Variants in CDH8 observed in about 807,000 individuals in gnomAD.
The protein encoded by CDH8 is cadherin-8.
Under a neutral mutation model 68.1 loss-of-function variants are expected in CDH8, and 17 were observed. The ratio of observed to expected loss-of-function variants is 0.25; its 90% CI spans 0.17 to 0.37. The LOEUF (loss-of-function observed/expected upper bound fraction) is 0.37, where lower values mean the gene tolerates loss of function less well. CDH8 is among the 10% of genes least tolerant of loss of function. The pLI is 1.00. For synonymous variants in CDH8, 372 were observed against 365.1 expected (o/e 1.02, Z -0.21); for missense variants, 763 against 999.3 (o/e 0.76, Z 3.19).
At chr16:61,960,155 G>GTGTGTATACACATACATATATACATA (rs1555524878) in intron 2 of CDH8, among the ~76,000 whole-genome samples, 6 of 78,120 alleles carry the variant, frequency 7.7e-5, no homozygotes, top group Non-Finnish European at 1.5e-4. Context: ...ATACATATGT[G>GTGTGTATACACATACATATATACATA]TGTGTGTATA....
At chr16:61,674,711 G>A (rs1963863432) in intron 10 of CDH8, among the ~76,000 whole-genome samples, 1 of 151,908 alleles carries the variant, frequency 6.6e-6, no homozygotes, top group South Asian at 2.1e-4. Flanking sequence ...AGCTTTAAAG[G>A]AACTGTTGTA....
chr16:61,981,678 G>C (rs917859360), intron 2 of CDH8, among the ~76,000 whole-genome samples: 14 of 151,272 alleles, frequency 9.3e-5, no homozygotes, highest in Non-Finnish European at 1.8e-4. Flanking sequence ...GTGTGTGTGT[G>C]TGTGCGCGCG....
chr16:61,749,337 G>A (rs979470204), intron 8 of CDH8, among the ~76,000 whole-genome samples: 1 of 152,004 alleles, frequency 6.6e-6, no homozygotes, highest in African/African-American at 2.4e-5. Flanking sequence ...TTGAAAGATA[G>A]GCTTAATACT....
chr16:61,728,400 T>C (rs8049215), intron 8 of CDH8, among the ~76,000 whole-genome samples: 6,065 of 151,144 alleles, frequency 0.04, 418 homozygotes, highest in African/African-American at 0.14. Flanking sequence ...TCCAATATTC[T>C]AATTTGGTTA....
At chr16:61,694,729 C>T (rs950729740) in intron 10 of CDH8, among the ~76,000 whole-genome samples, 5 of 151,906 alleles carry the variant, frequency 3.3e-5, no homozygotes, top group African/African-American at 1.2e-4. Flanking sequence ...AAAAGTATAG[C>T]TTAATAAACA....
intron 8 of CDH8, among the ~76,000 whole-genome samples, chr16:61,788,701 A>T (rs977129097): frequency 6.6e-6 from 1 of 152,046 alleles, no homozygotes; most frequent in Non-Finnish European, 1.5e-5. Context: ...CAATAAAAAG[A>T]TTAACAAGTT....
intron 2 of CDH8, among the ~76,000 whole-genome samples, chr16:61,908,427 A>T (rs1964099625): frequency 6.6e-6 from 1 of 152,204 alleles, no homozygotes; most frequent in African/African-American, 2.4e-5. Flanking sequence ...GGAAGGAGAA[A>T]GAAAAGGAGG....
chr16:61,962,188 C>T (rs1965166482), intron 2 of CDH8, among the ~76,000 whole-genome samples: 1 of 152,148 alleles, frequency 6.6e-6, no homozygotes, highest in African/African-American at 2.4e-5. Flanking sequence ...GCTTGTCTTG[C>T]TGTCGCAGAA....
intron 10 of CDH8, among the ~76,000 whole-genome samples, chr16:61,675,461 AG>A (rs965343549): frequency 9.0e-5 from 5 of 55,272 alleles, no homozygotes; most frequent in African/African-American, 1.5e-4. Flanking sequence ...GGGTGGGGGG[AG>A]GGGGGAGGGA....
intron 4 of CDH8, among the ~76,000 whole-genome samples, chr16:61,833,913 A>G (rs1263995262): frequency 6.6e-6 from 1 of 151,782 alleles, no homozygotes; most frequent in Non-Finnish European, 1.5e-5. Flanking sequence ...ATTTGTTTTT[A>G]TGTTTCTTTC....
chr16:61,924,992 G>C (rs942746814), intron 2 of CDH8, among the ~76,000 whole-genome samples: 3 of 152,092 alleles, frequency 2.0e-5, no homozygotes, highest in African/African-American at 7.2e-5. Flanking sequence ...CTCTGTATTA[G>C]CATCCAGATT....
At chr16:61,787,813 T>A (rs1596967918) in intron 8 of CDH8, among the ~76,000 whole-genome samples, 1 of 149,710 alleles carries the variant, frequency 6.7e-6, no homozygotes, top group Admixed American at 6.7e-5. Context: ...AAATTGGAAA[T>A]CATCATTCTC....
At chr16:61,713,801 A>G in intron 10 of CDH8, 40 bp downstream of exon 10, 1 of 1,086,190 alleles carries the variant, frequency 9.2e-7, no homozygotes, top group Non-Finnish European at 1.4e-6. Context: ...CTATTTTCCA[A>G]TTTATATTGT....
chr16:61,901,920 T>C (rs907886518), intron 2 of CDH8, among the ~76,000 whole-genome samples: 2 of 152,118 alleles, frequency 1.3e-5, no homozygotes, highest in Admixed American at 1.3e-4. Context: ...ATATGACACA[T>C]AAGAAAACTG....
chr16:61,801,730 T>A (rs891065370), intron 7 of CDH8, among the ~76,000 whole-genome samples: 1 of 152,140 alleles, frequency 6.6e-6, no homozygotes. Context: ...ATCGGGTCAC[T>A]CCCACCCGAA....
intron 2 of CDH8, among the ~76,000 whole-genome samples, chr16:61,911,165 CGGAT>C (rs922674221): frequency 1.3e-5 from 2 of 151,482 alleles, no homozygotes; most frequent in Non-Finnish European, 2.9e-5. Context: ...GAAGGATGGA[CGGAT>C]GGATGGATGG....
intron 8 of CDH8, among the ~76,000 whole-genome samples, chr16:61,752,997 G>A (rs1162397552): frequency 6.6e-6 from 1 of 152,072 alleles, no homozygotes; most frequent in Admixed American, 6.6e-5. Context: ...GCAGAGATAC[G>A]ACAAGATATT....
At chr16:61,663,661 A>T (rs980100666) in intron 10 of CDH8, among the ~76,000 whole-genome samples, 1 of 151,960 alleles carries the variant, frequency 6.6e-6, no homozygotes, top group African/African-American at 2.4e-5. Flanking sequence ...CTGATTCATT[A>T]GAACTAAGAA....
chr16:62,019,212 T>C (rs553878585), intron 2 of CDH8, among the ~76,000 whole-genome samples: 2 of 152,346 alleles, frequency 1.3e-5, no homozygotes, highest in South Asian at 2.1e-4. Flanking sequence ...GAAGTAGGCA[T>C]GTAAAGACCT....
Sources: allele counts gnomAD v4.1 joint callset (sites outside exome capture counted in the v4.1 genomes callset), GRCh38; gene constraint gnomAD v4.1.1; transcripts MANE v1.5; gene names NCBI Gene and HGNC (gene_info 2026-07-23, HGNC 2026-07-21).